The following MARCHF4 variants were observed in gnomAD, a reference collection of about 807,000 sequenced individuals.
The protein encoded by MARCHF4 is E3 ubiquitin-protein ligase MARCHF4.
MARCHF4 carries 14 observed loss-of-function variants against 43.9 expected under a neutral mutation model. The ratio of observed to expected loss-of-function variants is 0.32; its 90% CI spans 0.21 to 0.50. The LOEUF is 0.50. MARCHF4 is among the 20% of genes least tolerant of loss of function. MARCHF4 has a pLI of 0.98. For missense variants in MARCHF4, 468 were observed against 536.7 expected, an observed-to-expected ratio of 0.87 and a Z score of 1.27; for synonymous variants, 226 against 213.3, an observed-to-expected ratio of 1.06 and a Z score of -0.52.
chr2:216,259,119 G>T lies in MARCHF4; in HGVS notation c.*193C>A. 1.6e-6 allele frequency: 1 copy of T among 626,986 alleles called. No individual in the cohort carries two copies. The highest frequency in any genetic ancestry group is 2.6e-6 in the Non-Finnish European group (1 of 387,458). The allele number at this position is 626,986 out of a possible 1,614,324, so 38.8% of individuals were successfully genotyped here. On this transcript the variant is annotated 3_prime_UTR_variant, in exon 4 of 4. Coordinates refer to ENST00000273067, the MANE Select transcript of MARCHF4 (RefSeq NM_020814.3). ...GTTTTCATTGTTGTTGTGGAGAGTGGCATTGACTGATTGGAAATAGCAGAA... is the reference window on the plus strand; with the variant it reads ...GTTTTCATTGTTGTTGTGGAGAGTGTCATTGACTGATTGGAAATAGCAGAA...
chr2:216,292,774 C>A (rs759319566), intron 1 of MARCHF4, among the ~76,000 whole-genome samples: 3 of 152,062 alleles, frequency 2.0e-5, no homozygotes, highest in Non-Finnish European at 4.4e-5. Context: ...ACCAATGGGG[C>A]CAGCGAATAG....
At chr2:216,365,233 C>T (rs751343300) in intron 1 of MARCHF4, among the ~76,000 whole-genome samples, 8 of 152,244 alleles carry the variant, frequency 5.3e-5, no homozygotes, top group Non-Finnish European at 7.3e-5. Context: ...AACCAAAACA[C>T]TGACTAGACT....
intron 3 of MARCHF4, among the ~76,000 whole-genome samples, chr2:216,274,451 TA>T (rs1271537011): frequency 6.6e-6 from 1 of 152,188 alleles, no homozygotes; most frequent in Non-Finnish European, 1.5e-5. Flanking sequence ...AGAGAGCCCT[TA>T]AAAAGCAGAT....
chr2:216,361,034 T>C (rs1692568845), intron 1 of MARCHF4, among the ~76,000 whole-genome samples: 2 of 152,080 alleles, frequency 1.3e-5, no homozygotes, highest in Admixed American at 6.5e-5. Context: ...ACTCTGTACT[T>C]TCTGTTCAAT....
intron 1 of MARCHF4, among the ~76,000 whole-genome samples, chr2:216,336,522 A>G (rs987721165): frequency 1.3e-5 from 2 of 152,096 alleles, no homozygotes; most frequent in African/African-American, 2.4e-5. Context: ...TACTCTGTTA[A>G]TTGGTAGTTT....
At chr2:216,338,240 C>T (rs80265500) in intron 1 of MARCHF4, among the ~76,000 whole-genome samples, 3,474 of 152,238 alleles carry the variant, frequency 0.023, 143 homozygotes, top group African/African-American at 0.08. Context: ...AAGTAACTTG[C>T]CCAGGTGCTG....
chr2:216,275,615 G>C (rs941280103), intron 3 of MARCHF4, among the ~76,000 whole-genome samples: 1 of 152,302 alleles, frequency 6.6e-6, no homozygotes, highest in Admixed American at 6.5e-5. Context: ...AAGCCAGACT[G>C]GTCGATGACA....
chr2:216,320,659 CTTTCT>C (rs1691872263), intron 1 of MARCHF4, among the ~76,000 whole-genome samples: 1 of 105,076 alleles, frequency 9.5e-6, no homozygotes. Context: ...TTCTTTCTTT[CTTTCT>C]TTCTTTCTTT....
intron 1 of MARCHF4, among the ~76,000 whole-genome samples, chr2:216,320,676 T>A (rs1183520044): frequency 1.1e-5 from 1 of 89,328 alleles, no homozygotes; most frequent in Non-Finnish European, 2.1e-5. Context: ...TCTTTCTTTC[T>A]TTTTTTTTTT....
intron 1 of MARCHF4, among the ~76,000 whole-genome samples, chr2:216,359,741 A>G (rs922858940): frequency 1.3e-5 from 2 of 152,210 alleles, no homozygotes; most frequent in African/African-American, 2.4e-5. Flanking sequence ...GACCCCTTCT[A>G]AAAGCACCTG....
chr2:216,298,828 A>C (rs1691437752), intron 1 of MARCHF4, among the ~76,000 whole-genome samples: 1 of 151,784 alleles, frequency 6.6e-6, no homozygotes, highest in African/African-American at 2.4e-5. Context: ...TCTCATGGTG[A>C]TCCATGATTT....
At chr2:216,312,773 G>A (rs1691710231) in intron 1 of MARCHF4, among the ~76,000 whole-genome samples, 1 of 152,128 alleles carries the variant, frequency 6.6e-6, no homozygotes, top group Non-Finnish European at 1.5e-5. Flanking sequence ...GTAGGTTCTG[G>A]ACATTAGTCA....
intron 2 of MARCHF4, among the ~76,000 whole-genome samples, chr2:216,283,036 G>T (rs1007779405): frequency 6.6e-6 from 1 of 152,166 alleles, no homozygotes. Flanking sequence ...GAAGACTGCA[G>T]ATCAATTACA....
chr2:216,309,801 C>A (rs1367848661), intron 1 of MARCHF4, among the ~76,000 whole-genome samples: 1 of 152,198 alleles, frequency 6.6e-6, no homozygotes. Context: ...TTCACTTCAG[C>A]TTCCCTGTTT....
In MARCHF4 at chr2:216,370,264, C is replaced by A; in HGVS notation, c.-4G>T. 1 of 1,593,408 alleles carries A rather than the reference C, an allele frequency of 6.3e-7. No individual in the cohort carries two copies. The highest frequency in any genetic ancestry group is 8.6e-7 in the Non-Finnish European group (1 of 1,167,406). ...GCCCACACAGGGGCATCAGCATGTG[C>A]CCCGTGGAAGTAGAGAGCCCAAGAG... is the stretch of plus-strand genomic sequence containing the variant. On this transcript the variant is annotated 5_prime_UTR_variant, in exon 1 of 4. Coordinates refer to ENST00000273067, the MANE Select transcript of MARCHF4 (RefSeq NM_020814.3).
chr2:216,326,668 A>G (rs931967608), intron 1 of MARCHF4, among the ~76,000 whole-genome samples: 2 of 152,170 alleles, frequency 1.3e-5, no homozygotes, highest in African/African-American at 4.8e-5. Context: ...GTAGGGACAT[A>G]GATGAAACTG....
At chr2:216,345,098 G>A (rs1692298744) in intron 1 of MARCHF4, among the ~76,000 whole-genome samples, 1 of 152,074 alleles carries the variant, frequency 6.6e-6, no homozygotes, top group Non-Finnish European at 1.5e-5. Flanking sequence ...GAAAAGTTGG[G>A]AACAGCTGCT....
chr2:216,363,942 T>C (rs1692627385), intron 1 of MARCHF4, among the ~76,000 whole-genome samples: 1 of 152,162 alleles, frequency 6.6e-6, no homozygotes, highest in Admixed American at 6.5e-5. Context: ...TTTGCTCAGA[T>C]TAAAAATCTC....
At chr2:216,295,823 C>T (rs1261578051) in intron 1 of MARCHF4, among the ~76,000 whole-genome samples, 3 of 152,264 alleles carry the variant, frequency 2.0e-5, no homozygotes, top group South Asian at 4.1e-4. Context: ...GGCTAACAGC[C>T]CTGTTGTGTC....
Sources: gnomAD v4.1 joint callset for allele counts (sites outside exome capture counted in the v4.1 genomes callset) on GRCh38, gnomAD v4.1.1 for gene constraint, MANE v1.5 for transcripts, NCBI Gene and HGNC (gene_info 2026-07-23, HGNC 2026-07-21) for gene names.